TMEM237: variants seen among roughly 807,000 people sequenced by gnomAD.
The protein encoded by TMEM237 is amyotrophic lateral sclerosis 2 (juvenile) chromosome region, candidate 4.
TMEM237 carries 51 observed loss-of-function variants against 59.1 expected under a neutral mutation model. The observed-to-expected ratio is 0.86, with a 90% CI of 0.69 to 1.09. TMEM237 has a LOEUF of 1.09. TMEM237 is among the 50% of genes least tolerant of loss of function. The pLI is 0.00. For synonymous variants in TMEM237, 140 were observed against 166.1 expected, an observed-to-expected ratio of 0.84 and a Z score of 1.21; for missense variants, 475 against 478.3, an observed-to-expected ratio of 0.99 and a Z score of 0.06.
rs534960956 is a variant in TMEM237 at position 201,642,467 on chromosome 2, C to A, written c.42+892G>T. The A allele has an allele frequency of 4.5e-6, 4 of 898,582 alleles. No individual in the cohort carries two copies. In the East Asian group the frequency reaches 1.2e-4, roughly 27 times the overall value. The allele number at this position is 898,582 out of a possible 1,614,324, so 55.7% of individuals were successfully genotyped here. Reference sequence around the variant, plus strand: ...GAAGCGCGCGCGATCGATCCCAGGGCTCTGTTCACGTAACTGATTTCAAAA... The same window carrying A: ...GAAGCGCGCGCGATCGATCCCAGGGATCTGTTCACGTAACTGATTTCAAAA... On this transcript the variant is annotated intron_variant, in intron 1 of 12. Coordinates refer to ENST00000409883, the MANE Select transcript of TMEM237 (RefSeq NM_001044385.3).
Position 201,628,114 on chromosome 2 carries a change from T to C in TMEM237, c.905A>G (p.Asn302Ser), listed in dbSNP as rs780779375. The change falls in exon 10 of 13, where the codon AAT (asparagine) becomes AGT (serine). Residue 302 changes from asparagine to serine, a missense_variant. Asn to Ser is a conservative substitution (Grantham distance 46). Coordinates refer to ENST00000409883, the MANE Select transcript of TMEM237 (RefSeq NM_001044385.3). ...DFAKISVAIR[N>S]FLALDPTALA... ...AGCTGTAGGATCCAGGGCCAAAAAA[T>C]TTCGGATTGCTACTGATATTTTAGC... The C allele has an allele frequency of 3.1e-6, 5 of 1,608,024 alleles. No homozygotes were observed. Among genetic ancestry groups the C allele is most frequent in the African/African-American group, 1.3e-5 (1 of 74,986 alleles).
chr2:201,628,004 A>C, intron 10 of TMEM237, 72 bp downstream of exon 10: 5 of 1,126,666 alleles, frequency 4.4e-6, no homozygotes, highest in Non-Finnish European at 6.3e-6. Context: ...AAAAAAAATT[A>C]TATTTATCCT....
chr2:201,642,260 G>A (rs1487825173), intron 1 of TMEM237, among the ~76,000 whole-genome samples: 4 of 152,138 alleles, frequency 2.6e-5, no homozygotes, highest in Non-Finnish European at 5.9e-5. Context: ...ATTCAAAAGG[G>A]TTAAATTTTA....
chr2:201,624,435 TAGAA>T (rs1559583612), intron 12 of TMEM237, 113 bp from the exon 13 acceptor site: 6 of 584,214 alleles, frequency 1.0e-5, no homozygotes, highest in Non-Finnish European at 1.4e-5. Flanking sequence ...TATATACTAA[TAGAA>T]AGCCCTCAAG....
chr2:201,635,197 TG>T lies in TMEM237; in HGVS notation c.274+1550del. 1.3e-5 allele frequency among the ~76,000 whole-genome samples: 2 copies of T among 152,362 alleles called. No homozygotes were observed. The highest frequency in any genetic ancestry group is 4.1e-4 in the South Asian group (2 of 4,834). ...GTATGTACATATTTACGTTCTGGGT[TG>T]AACTGTGCTCCAAAAAGAGATATGT... On this transcript the variant is annotated intron_variant, in intron 5 of 12. Transcript: ENST00000409883. The surrounding 1 kb of genome is among the most constrained non-coding windows in gnomAD (Gnocchi z 4.5).
chr2:201,640,291 A>G (rs1687388228), intron 2 of TMEM237, 26 bp from the exon 3 acceptor site: 13 of 1,551,774 alleles, frequency 8.4e-6, no homozygotes, highest in Non-Finnish European at 1.1e-5. Context: ...ACACCAAACA[A>G]ATTTAATCAG....
At chr2:201,629,949 G>T in intron 7 of TMEM237, 97 bp from the exon 8 acceptor site, 1 of 1,476,224 alleles carries the variant, frequency 6.8e-7, no homozygotes. Context: ...CGCAAACTAA[G>T]ACTGAAATAT....
In TMEM237 at chr2:201,629,302, T is replaced by C; in HGVS notation, c.797A>G (p.Lys266Arg). 1 of 1,610,480 alleles carries C rather than the reference T, an allele frequency of 6.2e-7. No homozygotes were observed. Among genetic ancestry groups the C allele is most frequent in the Non-Finnish European group, 8.5e-7 (1 of 1,178,998 alleles). ...SNLSNLLQQYKTLAYPFQSLL... is the reference protein window; with the variant it reads ...SNLSNLLQQYRTLAYPFQSLL... Reference sequence around the variant, plus strand: ...ACTCTGGAATGGATACGCTAGGGTCTTGTATTGTTGCAGAAGGTTTGAGAG... The same window carrying C: ...ACTCTGGAATGGATACGCTAGGGTCCTGTATTGTTGCAGAAGGTTTGAGAG... The change falls in exon 9 of 13, where the codon AAG becomes AGG. Residue 266 changes from lysine to arginine, a missense_variant. Coordinates refer to ENST00000409883, the MANE Select transcript of TMEM237 (RefSeq NM_001044385.3).
Position 201,632,079 on chromosome 2 carries a change from A to G in TMEM237, c.525T>C (p.Pro175=). 1 of 1,613,916 alleles carries G rather than the reference A, an allele frequency of 6.2e-7. No homozygotes were observed. Residue 175 remains proline (P), a synonymous_variant, in exon 7 of 13, where the codon CCT becomes CCC. Coordinates refer to ENST00000409883, the MANE Select transcript of TMEM237 (RefSeq NM_001044385.3). ...TTTTTTCCACAAATACTTTGCCTAC[A>G]GGCTGGCTAATGCCAGTGGGTGCAG... ...VFTAPTGISQ[P]VGKVFVEKSR...
rs1687469918 is a variant in TMEM237, at chr2:201,643,288, A to ACC, written c.42+69_42+70dup. 9.1e-7 allele frequency: 1 copy of ACC among 1,093,796 alleles called. No homozygotes were observed. The highest frequency in any genetic ancestry group is 1.3e-6 in the Non-Finnish European group (1 of 759,398). 67.8% of individuals were successfully genotyped at this position (1,093,796 alleles called of 1,614,324 possible). A position where few individuals can be genotyped will look rare whatever the true frequency, so the allele number is the denominator to read the frequency against. On this transcript the variant is annotated intron_variant, in intron 1 of 12. Transcript: ENST00000409883. This position sits in a 1 kb window ranked among gnomAD's most constrained non-coding sequence, Gnocchi z 4.3. Reference sequence around the variant, plus strand: ...AGCTCGTTGGCGCCCCCCCACACACACCCACCCCCACTGCCAAGTGTAGCT... The same window carrying ACC: ...AGCTCGTTGGCGCCCCCCCACACACACCCCCACCCCCACTGCCAAGTGTAGCT...
intron 4 of TMEM237, 135 bp downstream of exon 4, chr2:201,638,854 T>C (rs1219232931): frequency 3.5e-6 from 3 of 847,276 alleles, no homozygotes; most frequent in Non-Finnish European, 3.7e-6. Flanking sequence ...TGCTTCAAAC[T>C]GGCCTTAATT....
intron 4 of TMEM237, among the ~76,000 whole-genome samples, chr2:201,637,240 T>A (rs1053372211): frequency 1.3e-5 from 2 of 152,218 alleles, no homozygotes; most frequent in African/African-American, 4.8e-5. Flanking sequence ...CCTCTTGCCT[T>A]AAGAATTTTC....
intron 9 of TMEM237, among the ~76,000 whole-genome samples, chr2:201,628,925 T>C (rs1957783264): frequency 6.6e-6 from 1 of 152,180 alleles, no homozygotes; most frequent in Non-Finnish European, 1.5e-5. Context: ...AGGAGACAAA[T>C]ACAAATGCTC....
intron 1 of TMEM237, among the ~76,000 whole-genome samples, chr2:201,641,718 A>AT (rs1687425216): frequency 7.8e-6 from 1 of 128,034 alleles, no homozygotes; most frequent in African/African-American, 2.9e-5. Context: ...ATATATATAT[A>AT]TATACACAAG....
chr2:201,640,581 C>T (rs1052779881), intron 2 of TMEM237, among the ~76,000 whole-genome samples: 1 of 151,646 alleles, frequency 6.6e-6, no homozygotes, highest in Non-Finnish European at 1.5e-5. Flanking sequence ...TCAGCTTAAA[C>T]TCTGAGGAAA....
chr2:201,632,338 A>C, intron 6 of TMEM237, 130 bp from the exon 7 acceptor site: 1 of 993,538 alleles, frequency 1.0e-6, no homozygotes, highest in Non-Finnish European at 1.5e-6. Context: ...TTTTACTCAA[A>C]TAAATCGGTT....
intron 11 of TMEM237, 91 bp from the exon 12 acceptor site, chr2:201,626,238 A>T: frequency 1.5e-6 from 2 of 1,357,822 alleles, no homozygotes; most frequent in Non-Finnish European, 2.0e-6. Context: ...AAAAAACAGC[A>T]GTCCTCTCCT....
chr2:201,622,002 A>C lies in TMEM237; in HGVS notation c.*2253T>G, dbSNP rs1957712507. On this transcript the variant is annotated 3_prime_UTR_variant, in exon 13 of 13. Coordinates refer to ENST00000409883, the MANE Select transcript of TMEM237 (RefSeq NM_001044385.3). ...AGACACACCAGAAACACCAGGGAAA[A>C]CAGAGTCCTCTGTACAAGTCCTTAA... 6.6e-6 allele frequency: 1 copy of C among 152,170 alleles called. No individual in the cohort carries two copies. Among genetic ancestry groups the C allele is most frequent in the Non-Finnish European group, 1.5e-5 (1 of 68,052 alleles). The allele number at this position is 152,170 out of a possible 1,614,324, so 9.4% of individuals were successfully genotyped here.
In TMEM237 at chr2:201,628,068, T is replaced by C. The variant is rs1242859219; in HGVS notation, c.943+8A>G. ...TTACACAGTTATCATGTTAAACTGC[T>C]TACTCACAGAAAGATGCTAAAGCTG... On this transcript the variant is annotated splice_region_variant and intron_variant, in intron 10 of 12. Coordinates refer to ENST00000409883, the MANE Select transcript of TMEM237 (RefSeq NM_001044385.3). 1 of 1,602,486 alleles carries C rather than the reference T, an allele frequency of 6.2e-7. No homozygotes were observed. The highest frequency in any genetic ancestry group is 1.7e-5 in the Admixed American group (1 of 59,016).
Sources: allele counts gnomAD v4.1 joint callset (sites outside exome capture counted in the v4.1 genomes callset), GRCh38; gene constraint gnomAD v4.1.1; non-coding constraint Gnocchi (gnomAD v3.1); transcripts MANE v1.5; gene names NCBI Gene and HGNC (gene_info 2026-07-23, HGNC 2026-07-21).